Variants in TTLL12 observed in about 807,000 individuals in gnomAD.
The protein encoded by TTLL12 is tubulin tyrosine ligase like 12.
Under a neutral mutation model 79.6 loss-of-function variants are expected in TTLL12, and 77 were observed. The observed-to-expected ratio is 0.97, with a 90% CI of 0.81 to 1.17. The LOEUF (loss-of-function observed/expected upper bound fraction) is 1.17, where lower values mean the gene tolerates loss of function less well. TTLL12 is among the 50% of genes most tolerant of loss of function. The probability of loss-of-function intolerance (pLI) is 0.00; values close to 1 mark genes in which losing one functional copy is unlikely to be tolerated. For missense variants in TTLL12, 969 were observed against 895.9 expected, an observed-to-expected ratio of 1.08 and a Z score of -1.04; for synonymous variants, 437 against 376.1, an observed-to-expected ratio of 1.16 and a Z score of -1.87.
In TTLL12 at chr22:43,171,873, G is replaced by C; in HGVS notation, c.1521C>G (p.Asp507Glu). ...TCATGACCGTGAAGTGCTTCTCGTAGTCATCCAGGTCGTTGAGTGCAAAGG... is the reference window on the plus strand; with the variant it reads ...TCATGACCGTGAAGTGCTTCTCGTACTCATCCAGGTCGTTGAGTGCAAAGG... Reference protein sequence around the residue: ...NRAFALNDLDDYEKHFTVMNY... With the variant: ...NRAFALNDLDEYEKHFTVMNY... Residue 507 changes from aspartate to glutamate, a missense_variant, in exon 11 of 14, where the codon GAC (aspartate) becomes GAG (glutamate). Physicochemically the swap from Asp to Glu is conservative, Grantham distance 45. Transcript: ENST00000216129. The C allele has an allele frequency of 6.2e-7, 1 of 1,614,186 alleles. No homozygotes were observed.
Position 43,172,071 on chromosome 22 carries a change from C to A in TTLL12, c.1494-171G>T, listed in dbSNP as rs979126380. Among the ~76,000 whole-genome samples, 10 of 152,324 alleles carry A rather than the reference C, an allele frequency of 6.6e-5. No individual in the cohort carries two copies. In the East Asian group the frequency reaches 1.9e-3, roughly 29 times the overall value. ...CTGTGTGGCTGGGGGAGCCCCACAGCCCCACTGAGCTGGGGTGGAGGTGAG... is the reference window on the plus strand; with the variant it reads ...CTGTGTGGCTGGGGGAGCCCCACAGACCCACTGAGCTGGGGTGGAGGTGAG... On this transcript the variant is annotated intron_variant, in intron 10 of 13. Transcript: ENST00000216129.
chr22:43,179,774 C>T (rs749106625), intron 4 of TTLL12, 22 bp from the exon 5 acceptor site: 3 of 1,551,698 alleles, frequency 1.9e-6, no homozygotes, highest in South Asian at 1.2e-5. Flanking sequence ...CATGAGTGCC[C>T]ATCAGAGGGG....
intron 1 of TTLL12, among the ~76,000 whole-genome samples, chr22:43,185,633 T>C (rs934365468): frequency 2.0e-5 from 3 of 152,136 alleles, no homozygotes; most frequent in African/African-American, 4.8e-5. Flanking sequence ...GCCAGGCATA[T>C]TTCTCATGCC....
chr22:43,169,662 A>T (rs1168408262), intron 11 of TTLL12, 94 bp from the exon 12 acceptor site: 2 of 1,371,526 alleles, frequency 1.5e-6, no homozygotes, highest in Admixed American at 2.0e-5. Context: ...AGCTTCTGAC[A>T]CTGGGTGGGG....
At chr22:43,171,417 C>T (rs1372640037) in intron 11 of TTLL12, among the ~76,000 whole-genome samples, 1 of 152,222 alleles carries the variant, frequency 6.6e-6, no homozygotes, top group Non-Finnish European at 1.5e-5. Context: ...GGCAGGGTCA[C>T]GGGCCAGCAG....
chr22:43,180,903 C>A lies in TTLL12; in HGVS notation c.385G>T (p.Glu129Ter). ...LIDHAWTCRV[E>*]HARQQLQQVP... Reference sequence around the variant, plus strand: ...TGCTGCAGCTGCTGGCGCGCGTGCTCCACACGGCACGTCCAGGCGTGGTCG... The same window carrying A: ...TGCTGCAGCTGCTGGCGCGCGTGCTACACACGGCACGTCCAGGCGTGGTCG... The change falls in exon 3 of 14, where the codon GAG (glutamate) becomes TAG (stop). Residue 129 changes from glutamate (E) to a stop codon, truncating the protein, a stop_gained. Coordinates refer to ENST00000216129, the MANE Select transcript of TTLL12 (RefSeq NM_015140.4). LOFTEE classifies it high-confidence loss of function. The A allele has an allele frequency of 6.2e-7, 1 of 1,612,558 alleles. No individual in the cohort carries two copies. The highest frequency in any genetic ancestry group is 1.1e-5 in the South Asian group (1 of 91,034).
intron 4 of TTLL12, 35 bp downstream of exon 4, chr22:43,179,806 G>C (rs564871116): frequency 1.3e-6 from 2 of 1,554,168 alleles, no homozygotes; most frequent in African/African-American, 1.4e-5. Flanking sequence ...CTGGGCTGAG[G>C]CCCCTCCTCC....
At chr22:43,169,419 G>A (rs759182314) in intron 12 of TTLL12, 81 bp downstream of exon 12, 11 of 1,230,930 alleles carry the variant, frequency 8.9e-6, no homozygotes, top group Non-Finnish European at 1.2e-5. Flanking sequence ...TGCCAGCAGA[G>A]AGGGAAGGGA....
chr22:43,170,981 C>A (rs1285095541), intron 11 of TTLL12, among the ~76,000 whole-genome samples: 2 of 152,222 alleles, frequency 1.3e-5, no homozygotes, highest in Admixed American at 6.5e-5. Flanking sequence ...CAGGAACATA[C>A]TCCTGCTGAA....
intron 5 of TTLL12, among the ~76,000 whole-genome samples, chr22:43,176,607 G>C (rs769837632): frequency 6.6e-6 from 1 of 151,774 alleles, no homozygotes; most frequent in Non-Finnish European, 1.5e-5. Flanking sequence ...GCGCGTGCCT[G>C]TAATTCCAGC....
chr22:43,176,761 A>G (rs1476012943), intron 5 of TTLL12, among the ~76,000 whole-genome samples: 2 of 149,566 alleles, frequency 1.3e-5, no homozygotes, highest in Non-Finnish European at 1.5e-5. Context: ...AAAGGAAAAG[A>G]AGGAGGGGAC....
At chr22:43,176,246 G>A (rs896493204) in intron 6 of TTLL12, 74 bp downstream of exon 6, 13 of 1,155,282 alleles carry the variant, frequency 1.1e-5, no homozygotes, top group East Asian at 7.5e-5. Flanking sequence ...TTCTGGGGCT[G>A]TGGGAACCAC....
Position 43,168,146 on chromosome 22 carries a change from C to A in TTLL12, c.1797G>T (p.Met599Ile). Residue 599 changes from methionine to isoleucine, a missense_variant, in exon 14 of 14, where the codon ATG (methionine) becomes ATT (isoleucine). Transcript: ENST00000216129. ...WDNGPDGRRV[M>I]QPQILEVNFN... ...AGTTCACCTCCAGGATCTGCGGCTG[C>A]ATCACCCGCCTTCCTGATGGCAAAG... The A allele has an allele frequency of 6.2e-7, 1 of 1,614,076 alleles. No individual in the cohort carries two copies. Among genetic ancestry groups the A allele is most frequent in the Non-Finnish European group, 8.5e-7 (1 of 1,179,954 alleles).
Position 43,186,781 on chromosome 22 carries a change from G to A in TTLL12, c.177+112C>T, listed in dbSNP as rs572375491. 2.3e-4 allele frequency: 243 copies of A among 1,079,466 alleles called. No individual in the cohort carries two copies. In the East Asian group the frequency reaches 7.6e-3, roughly 34 times the overall value. The allele number at this position is 1,079,466 out of a possible 1,614,324, so 66.9% of individuals were successfully genotyped here. ...CAGAGCTGCCCAGGACGCGCTCTGG[G>A]TGGCTCACCGCGGCTCCCGCCGCCC... On this transcript the variant is annotated intron_variant, in intron 1 of 13. Coordinates refer to ENST00000216129, the MANE Select transcript of TTLL12 (RefSeq NM_015140.4).
At chr22:43,171,232 T>C (rs561756752) in intron 11 of TTLL12, among the ~76,000 whole-genome samples, 41 of 152,340 alleles carry the variant, frequency 2.7e-4, no homozygotes, top group African/African-American at 8.9e-4. Flanking sequence ...TGCCTACCTG[T>C]CCACGTACAC....
chr22:43,184,868 C>T (rs1932140243), intron 1 of TTLL12, among the ~76,000 whole-genome samples: 1 of 152,136 alleles, frequency 6.6e-6, no homozygotes, highest in Admixed American at 6.5e-5. Context: ...TGGAAGAGCT[C>T]CCCAGGAGAT....
At position 43,174,366 on chromosome 22, in the gene TTLL12, G is replaced by C. The variant is rs779687282; in HGVS notation, c.1072C>G (p.Gln358Glu). The C allele has an allele frequency of 3.8e-6, 6 of 1,584,834 alleles. No individual in the cohort carries two copies. Among genetic ancestry groups the C allele is most frequent in the African/African-American group, 2.7e-5 (2 of 74,302 alleles). ...GTCAGCAGGTTCTCGCAGGGGAACT[G>C]GTTCAGCAGCACGCCTGGCCTCTCC... ...SQERPGVLLNQFPCENLLTVK... is the reference protein window; with the variant it reads ...SQERPGVLLNEFPCENLLTVK... Residue 358 changes from glutamine (Q) to glutamate (E), a missense_variant, in exon 8 of 14, where the codon CAG (glutamine) becomes GAG (glutamate). Transcript: ENST00000216129.
intron 11 of TTLL12, 111 bp from the exon 12 acceptor site, chr22:43,169,679 G>A (rs758066899): frequency 8.4e-6 from 10 of 1,188,070 alleles, no homozygotes; most frequent in Admixed American, 7.9e-5. Flanking sequence ...GGGGGTTCCA[G>A]GAGCAGGCAG....
At position 43,172,462 on chromosome 22, in the gene TTLL12, C is replaced by T. The variant is rs1464397331; in HGVS notation, c.1434G>A (p.Arg478=). The part of the protein sequence containing the change: ...KFDIRYIVLL[R]SVRPLRLFVY... ...CGAACAACCGTAGGGGCCTCACTGA[C>T]CGCAGCAGCACGATGTAGCGGATGT... The change falls in exon 10 of 14, where the codon CGG becomes CGA. Residue 478 remains arginine (R), a synonymous_variant. Transcript: ENST00000216129. The T allele has an allele frequency of 4.3e-6, 7 of 1,614,094 alleles. No homozygotes were observed. Among genetic ancestry groups the T allele is most frequent in the Non-Finnish European group, 5.9e-6 (7 of 1,180,050 alleles).
Sources: allele counts gnomAD v4.1 joint callset (sites outside exome capture counted in the v4.1 genomes callset), GRCh38; gene constraint gnomAD v4.1.1; transcripts MANE v1.5; gene names NCBI Gene and HGNC (gene_info 2026-07-23, HGNC 2026-07-21).